MMP17: variants seen among roughly 807,000 people sequenced by gnomAD.
MMP17 encodes the protein matrix metallopeptidase 17.
In MMP17, 54 loss-of-function variants were observed where a neutral mutation model predicts 49.1. The ratio of observed to expected loss-of-function variants is 1.10; its 90% confidence interval spans 0.88 to 1.38. MMP17 has a LOEUF of 1.38. Ranked by LOEUF, MMP17 falls within the 40% of genes most tolerant of loss-of-function variation. The pLI is 0.00. For missense variants in MMP17, 837 were observed against 853.7 expected (o/e 0.98, Z 0.24); for synonymous variants, 397 against 383.1 (o/e 1.04, Z -0.42).
chr12:131,830,272 G>T (rs56071916), intron 1 of MMP17, among the ~76,000 whole-genome samples: 1 of 152,202 alleles, frequency 6.6e-6, no homozygotes, highest in African/African-American at 2.4e-5. Flanking sequence ...TGGTACCTGC[G>T]CCTCGGTCTC....
rs941389583 is a variant in MMP17, at chr12:131,846,492, G to T, written c.1204+1043G>T. The stretch of plus-strand genomic sequence containing the variant: ...CCCAGGTTGCAATTCTCCTGCCTCA[G>T]CCTCCCTAGTAGCTGGGATTACAAG... On this transcript the variant is annotated intron_variant, in intron 8 of 9. Coordinates refer to ENST00000360564, the MANE Select transcript of MMP17 (RefSeq NM_016155.7). The surrounding 1 kb of genome is among the most constrained non-coding windows in gnomAD (Gnocchi z 4.6). Among the ~76,000 whole-genome samples, 6 of 152,064 alleles carry T rather than the reference G, an allele frequency of 3.9e-5. No individual in the cohort carries two copies. Among genetic ancestry groups the T allele is most frequent in the Admixed American group, 3.9e-4 (6 of 15,268 alleles).
chr12:131,845,073 C>T (rs1887623450), intron 6 of MMP17, 45 bp from the exon 7 acceptor site: 1 of 1,500,218 alleles, frequency 6.7e-7, no homozygotes. Context: ...CTGTCCCGCG[C>T]TGCCCAGGCC....
At chr12:131,845,631 C>T (rs1005039540) in intron 8 of MMP17, among the ~76,000 whole-genome samples, 182 bp downstream of exon 8, 1 of 152,216 alleles carries the variant, frequency 6.6e-6, no homozygotes, top group African/African-American at 2.4e-5. Flanking sequence ...TATGCCCCGT[C>T]CTGAGGCAGC....
chr12:131,834,520 A>AG (rs1284278300), intron 1 of MMP17, among the ~76,000 whole-genome samples: 2 of 151,886 alleles, frequency 1.3e-5, no homozygotes, highest in African/African-American at 2.4e-5. Context: ...TACTGGGGGC[A>AG]GGGGGCAGGG....
chr12:131,840,738 CG>C lies in MMP17; in HGVS notation c.590del (p.Gly197AlafsTer60), dbSNP rs777818354. 6.2e-7 allele frequency: 1 copy of C among 1,604,428 alleles called. No individual in the cohort carries two copies. The highest frequency in any genetic ancestry group is 1.3e-5 in the African/African-American group (1 of 74,944). ...IDFSKADHND[G>X]YPFDGPGGTV... ...ACTTCTCCAAGGCCGACCATAACGA[CG>C]GCTACCCCTTCGACGGCCCCGGCGG... On this transcript the variant is annotated frameshift_variant, in exon 4 of 10. Coordinates refer to ENST00000360564, the MANE Select transcript of MMP17 (RefSeq NM_016155.7). LOFTEE classifies it high-confidence loss of function.
At chr12:131,835,249 A>G (rs1030876036) in intron 1 of MMP17, among the ~76,000 whole-genome samples, 1 of 152,226 alleles carries the variant, frequency 6.6e-6, no homozygotes, top group African/African-American at 2.4e-5. Flanking sequence ...TCTATGCTCA[A>G]ATTCCAGTGC....
chr12:131,846,929 C>T lies in MMP17; in HGVS notation c.1204+1480C>T, dbSNP rs1887732547. ...GCCCTCAGCATTTGACTCCGTCACC[C>T]CCATCACCTGGGAGCCCTCCGGTGA... On this transcript the variant is annotated intron_variant, in intron 8 of 9. Transcript: ENST00000360564. The surrounding 1 kb of genome is among the most constrained non-coding windows in gnomAD (Gnocchi z 4.6). Among the ~76,000 whole-genome samples the T allele has an allele frequency of 6.6e-6, 1 of 152,086 alleles. No individual in the cohort carries two copies. The highest frequency in any genetic ancestry group is 2.4e-5 in the African/African-American group (1 of 41,416).
At position 131,843,996 on chromosome 12, in the gene MMP17, G is replaced by C; in HGVS notation, c.884-1G>C. On this transcript the variant is annotated splice_acceptor_variant, in intron 5 of 9. Transcript: ENST00000360564. LOFTEE classifies it high-confidence loss of function. ...GCCGTCCTCCTCCTTGTCTCCCGCAGGTGTGCGGGAGTCTGTGTCTCCCAC... is the reference window on the plus strand; with the variant it reads ...GCCGTCCTCCTCCTTGTCTCCCGCACGTGTGCGGGAGTCTGTGTCTCCCAC... 1.1e-5 allele frequency: 17 copies of C among 1,551,340 alleles called. No individual in the cohort carries two copies. The highest frequency in any genetic ancestry group is 1.5e-5 in the Non-Finnish European group (17 of 1,149,086).
At chr12:131,836,715 C>T (rs908612758) in intron 1 of MMP17, among the ~76,000 whole-genome samples, 6 of 152,114 alleles carry the variant, frequency 3.9e-5, no homozygotes, top group Non-Finnish European at 7.4e-5. Flanking sequence ...GGCAGAGCCC[C>T]CAGCACATCA....
chr12:131,850,880 C>A, intron 9 of MMP17, 45 bp from the exon 10 acceptor site: 3 of 1,395,924 alleles, frequency 2.1e-6, no homozygotes, highest in Non-Finnish European at 2.8e-6. Context: ...CGAGCCCCTC[C>A]TGCTGCAGCC....
intron 1 of MMP17, among the ~76,000 whole-genome samples, chr12:131,834,300 C>T (rs917674219): frequency 2.6e-5 from 4 of 152,098 alleles, no homozygotes; most frequent in African/African-American, 4.8e-5. Flanking sequence ...CTCCCGGCAG[C>T]CCCTCCCCCT....
In MMP17 at chr12:131,851,169, T is replaced by TCC; in HGVS notation, c.1711_1712dup (p.Gly572ArgfsTer31). 6.7e-7 allele frequency: 1 copy of TCC among 1,490,432 alleles called. No individual in the cohort carries two copies. The highest frequency in any genetic ancestry group is 1.3e-5 in the South Asian group (1 of 75,644). The allele number at this position is 1,490,432 out of a possible 1,614,324, so 92.3% of individuals were successfully genotyped here. On this transcript the variant is annotated frameshift_variant, in exon 10 of 10. Coordinates refer to ENST00000360564, the MANE Select transcript of MMP17 (RefSeq NM_016155.7). LOFTEE classifies it low-confidence loss of function (END_TRUNC). ...GCTCATGCACCTCTGGGGCATCCTCTCCCCCGGGGGCCCCAGGCCCACTGG... is the reference window on the plus strand; with the variant it reads ...GCTCATGCACCTCTGGGGCATCCTCTCCCCCCCGGGGGCCCCAGGCCCACTGG...
intron 1 of MMP17, among the ~76,000 whole-genome samples, chr12:131,829,571 G>T (rs1326645360): frequency 3.3e-5 from 5 of 152,186 alleles, no homozygotes; most frequent in Non-Finnish European, 7.4e-5. Flanking sequence ...GCCAGGAGCC[G>T]AGGCCTCCCC....
At position 131,851,333 on chromosome 12, in the gene MMP17, A is replaced by G; in HGVS notation, c.*59A>G. 7 of 1,330,948 alleles carry G rather than the reference A, an allele frequency of 5.3e-6. No homozygotes were observed. The highest frequency in any genetic ancestry group is 6.8e-6 in the Non-Finnish European group (7 of 1,034,210). 82.4% of individuals were successfully genotyped at this position (1,330,948 alleles called of 1,614,324 possible). ...GTGGGACAGCCTGGCCACAGAGGGC[A>G]AGGACTGTGCCGGAGTCCCTGGGGG... On this transcript the variant is annotated 3_prime_UTR_variant, in exon 10 of 10. Coordinates refer to ENST00000360564, the MANE Select transcript of MMP17 (RefSeq NM_016155.7).
chr12:131,844,018 C>T lies in MMP17; in HGVS notation c.905C>T (p.Pro302Leu), dbSNP rs1180697522. ...QLYGVRESVS[P>L]TAQPEEPPLL... is the part of the protein sequence containing the mutation. The stretch of plus-strand genomic sequence containing the variant: ...GCAGGTGTGCGGGAGTCTGTGTCTC[C>T]CACGGCGCAGCCCGAGGAGCCTCCC... Residue 302 changes from proline (P) to leucine (L), a missense_variant, in exon 6 of 10, where the codon CCC becomes CTC. Physicochemically the swap from Pro to Leu is moderately conservative, Grantham distance 98 (BLOSUM62 -3). Coordinates refer to ENST00000360564, the MANE Select transcript of MMP17 (RefSeq NM_016155.7). The T allele has an allele frequency of 5.1e-6, 8 of 1,566,996 alleles. No homozygotes were observed. The highest frequency in any genetic ancestry group is 5.2e-6 in the Non-Finnish European group (6 of 1,158,060).
rs1422057649 is a variant in MMP17 at position 131,850,954 on chromosome 12, T to C, written c.1492T>C (p.Tyr498His). 1 of 1,518,004 alleles carries C rather than the reference T, an allele frequency of 6.6e-7. No individual in the cohort carries two copies. Among genetic ancestry groups the C allele is most frequent in the Non-Finnish European group, 8.8e-7 (1 of 1,134,072 alleles). The allele number at this position is 1,518,004 out of a possible 1,614,324, so 94.0% of individuals were successfully genotyped here. Reference sequence around the variant, plus strand: ...CTCCTACTTCTTCCGTGGCCAGGAGTACTGGAAAGTGCTGGATGGCGAGCT... The same window carrying C: ...CTCCTACTTCTTCCGTGGCCAGGAGCACTGGAAAGTGCTGGATGGCGAGCT... The part of the protein sequence containing the change: ...GASYFFRGQE[Y>H]WKVLDGELEV... The change falls in exon 10 of 10, where the codon TAC (tyrosine) becomes CAC (histidine). Residue 498 changes from tyrosine (Y) to histidine (H), a missense_variant. Physicochemically the swap from Tyr to His is moderately conservative, Grantham distance 83 (BLOSUM62 2). Transcript: ENST00000360564.
In MMP17 at chr12:131,848,744, C is replaced by T. The variant is rs549961763; in HGVS notation, c.1205-1058C>T. ...CTCGGGGCTCATACACGCGGTGGCA[C>T]GTGGCAGGATTTCCTTCCTGGCTGA... On this transcript the variant is annotated intron_variant, in intron 8 of 9. Transcript: ENST00000360564. Among the ~76,000 whole-genome samples the T allele has an allele frequency of 4.6e-5, 7 of 152,284 alleles. No individual in the cohort carries two copies. In the South Asian group the frequency reaches 8.3e-4, roughly 18 times the overall value.
chr12:131,845,565 G>A, intron 8 of MMP17, 116 bp downstream of exon 8: 1 of 1,324,974 alleles, frequency 7.5e-7, no homozygotes. Flanking sequence ...GGCTGGTCGA[G>A]CACAGAGCAG....
At chr12:131,838,935 G>T (rs1887239365) in intron 3 of MMP17, among the ~76,000 whole-genome samples, 194 bp downstream of exon 3, 2 of 149,108 alleles carry the variant, frequency 1.3e-5, no homozygotes, top group African/African-American at 2.5e-5. Flanking sequence ...GGGGAACGGG[G>T]TCTCCGTGGA....
Sources: gnomAD v4.1 joint callset for allele counts (sites outside exome capture counted in the v4.1 genomes callset) on GRCh38, gnomAD v4.1.1 for gene constraint, Gnocchi (gnomAD v3.1) non-coding constraint, MANE v1.5 for transcripts, NCBI Gene and HGNC (gene_info 2026-07-23, HGNC 2026-07-21) for gene names.